RPS6KA3: variants seen among roughly 807,000 people sequenced by gnomAD.
RPS6KA3 encodes the protein ribosomal protein S6 kinase alpha-3.
In RPS6KA3, 4 loss-of-function variants were observed where a neutral mutation model predicts 67.2. The ratio of observed to expected loss-of-function variants is 0.06; its 90% CI spans 0.03 to 0.14. The LOEUF (loss-of-function observed/expected upper bound fraction) is 0.14. RPS6KA3 is among the 10% of genes least tolerant of loss of function. The pLI, the probability that RPS6KA3 is intolerant of heterozygous loss-of-function variation, is 1.00. For missense variants in RPS6KA3, 204 were observed against 559.0 expected, an observed-to-expected ratio of 0.36 and a Z score of 6.40; for synonymous variants, 182 against 183.7, an observed-to-expected ratio of 0.99 and a Z score of 0.07.
At chrX:20,228,758 T>C (rs751562597) in intron 2 of RPS6KA3, among the ~76,000 whole-genome samples, 2 of 111,243 alleles carry the variant, frequency 1.8e-5, no homozygotes, top group African/African-American at 3.3e-5. Flanking sequence ...ATCACTTATG[T>C]TCTATTAATT....
In RPS6KA3 at chrX:20,156,051, T is replaced by C; in HGVS notation, c.2100+58A>G. ...AAGGTGCTGGGGGCATGGACAGGGCTTCTTGAAGTCTCTCCTGGAGGACCT... is the reference window on the plus strand; with the variant it reads ...AAGGTGCTGGGGGCATGGACAGGGCCTCTTGAAGTCTCTCCTGGAGGACCT... On this transcript the variant is annotated intron_variant, in intron 21 of 21. Coordinates refer to ENST00000379565, the MANE Select transcript of RPS6KA3 (RefSeq NM_004586.3). 4.3e-6 allele frequency: 5 copies of C among 1,149,793 alleles called. No homozygotes were observed. In the Admixed American group the frequency reaches 1.1e-4, roughly 25 times the overall value. The allele number at this position is 1,149,793 out of a possible 1,213,427, so 94.8% of individuals were successfully genotyped here.
intron 18 of RPS6KA3, among the ~76,000 whole-genome samples, chrX:20,163,567 G>A (rs1226650214): frequency 9.0e-6 from 1 of 111,528 alleles, no homozygotes; most frequent in Non-Finnish European, 1.9e-5. Flanking sequence ...GTAGGGTATG[G>A]TGGCTCACGC....
At chrX:20,182,360 G>C in intron 10 of RPS6KA3, among the ~76,000 whole-genome samples, 1 of 111,899 alleles carries the variant, frequency 8.9e-6, no homozygotes, top group Middle Eastern at 4.6e-3. Context: ...ATTTATCTAA[G>C]TTGTTGCATG....
At chrX:20,256,553 A>C (rs998535907) in intron 1 of RPS6KA3, among the ~76,000 whole-genome samples, 1 of 111,769 alleles carries the variant, frequency 8.9e-6, no homozygotes, top group African/African-American at 3.3e-5. Flanking sequence ...AACGTTAGAC[A>C]TTTTGTTTTA....
chrX:20,244,256 T>C, intron 1 of RPS6KA3, among the ~76,000 whole-genome samples: 1 of 111,833 alleles, frequency 8.9e-6, no homozygotes, highest in Non-Finnish European at 1.9e-5. Context: ...TTCAAACTCC[T>C]GGCCTCACGC....
rs748270366 is a variant in RPS6KA3, at chrX:20,266,851, G to A, written c.-219C>T. 9.6e-6 allele frequency: 4 copies of A among 417,594 alleles called. No individual in the cohort carries two copies. In the South Asian group the frequency reaches 4.5e-4, roughly 47 times the overall value. 34.4% of individuals were successfully genotyped at this position (417,594 alleles called of 1,213,427 possible). A position where few individuals can be genotyped will look rare whatever the true frequency, so the allele number is the denominator to read the frequency against. Reference sequence around the variant, plus strand: ...GAAAGCCGCGCGCCTGGCCAGAGACGCCCGCGCGCTGAGCGAGAGCCTCGC... The same window carrying A: ...GAAAGCCGCGCGCCTGGCCAGAGACACCCGCGCGCTGAGCGAGAGCCTCGC... On this transcript the variant is annotated 5_prime_UTR_variant, in exon 1 of 22. Coordinates refer to ENST00000379565, the MANE Select transcript of RPS6KA3 (RefSeq NM_004586.3).
intron 1 of RPS6KA3, among the ~76,000 whole-genome samples, chrX:20,236,913 TAAC>T (rs1790845050): frequency 8.9e-6 from 1 of 111,758 alleles, no homozygotes; most frequent in Non-Finnish European, 1.9e-5. Flanking sequence ...AACTAGCTCC[TAAC>T]AACTGCGGCT....
At chrX:20,168,711 C>T (rs1305101346) in intron 16 of RPS6KA3, among the ~76,000 whole-genome samples, 2 of 111,754 alleles carry the variant, frequency 1.8e-5, no homozygotes, top group East Asian at 2.8e-4. Flanking sequence ...GCAATAATAT[C>T]GTAAGTACTT....
At chrX:20,233,354 TG>T (rs1208764246) in intron 2 of RPS6KA3, among the ~76,000 whole-genome samples, 1 of 111,012 alleles carries the variant, frequency 9.0e-6, no homozygotes, top group African/African-American at 3.3e-5. Flanking sequence ...TATAGCCTAC[TG>T]AAACACAAAT....
intron 4 of RPS6KA3, among the ~76,000 whole-genome samples, chrX:20,201,457 T>C (rs1603427280): frequency 9.0e-6 from 1 of 111,695 alleles, no homozygotes; most frequent in South Asian, 3.8e-4. Flanking sequence ...TATTTTAATA[T>C]GCATCTTTGA....
At chrX:20,185,021 C>A (rs1041888164) in intron 10 of RPS6KA3, among the ~76,000 whole-genome samples, 2 of 111,169 alleles carry the variant, frequency 1.8e-5, no homozygotes, top group Non-Finnish European at 3.8e-5. Context: ...TCTTGGCGCA[C>A]TGCAACCTCT....
intron 1 of RPS6KA3, among the ~76,000 whole-genome samples, chrX:20,247,074 CTAAT>C (rs1184545818): frequency 8.9e-6 from 1 of 112,305 alleles, no homozygotes; most frequent in African/African-American, 3.2e-5. Flanking sequence ...AATGTAGTTT[CTAAT>C]TAGAGTTCCA....
rs1339620629 is a variant in RPS6KA3, at chrX:20,152,453, G to T, written c.*2945C>A. 1 of 112,267 alleles carries T rather than the reference G, an allele frequency of 8.9e-6. No homozygotes were observed. The highest frequency in any genetic ancestry group is 2.8e-4 in the East Asian group (1 of 3,614). 9.3% of individuals were successfully genotyped at this position (112,267 alleles called of 1,213,427 possible). A position where few individuals can be genotyped will look rare whatever the true frequency, so the allele number is the denominator to read the frequency against. On this transcript the variant is annotated 3_prime_UTR_variant, in exon 22 of 22. Transcript: ENST00000379565. ...TTCAATCTCTCATTTTGTAAAAGAG[G>T]CCTGATAGTTTAGTTTCTTCTTTCA...
intron 3 of RPS6KA3, among the ~76,000 whole-genome samples, chrX:20,208,861 GC>G (rs768642968): frequency 9.0e-6 from 1 of 111,583 alleles, no homozygotes; most frequent in Non-Finnish European, 1.9e-5. Context: ...TGTAGCGGTA[GC>G]CCCCAACCCT....
intron 1 of RPS6KA3, among the ~76,000 whole-genome samples, chrX:20,239,135 T>A (rs185481600): frequency 1.8e-5 from 2 of 111,519 alleles, no homozygotes; most frequent in East Asian, 5.6e-4. Context: ...TGAACTTGGG[T>A]AAGTTATTTA....
intron 17 of RPS6KA3, among the ~76,000 whole-genome samples, chrX:20,166,111 T>C (rs1002403131): frequency 8.9e-6 from 1 of 112,364 alleles, no homozygotes; most frequent in Non-Finnish European, 1.9e-5. Context: ...CTGTGGTAAC[T>C]GAAACCACAG....
chrX:20,217,497 C>T (rs770519013), intron 2 of RPS6KA3, among the ~76,000 whole-genome samples: 3 of 112,503 alleles, frequency 2.7e-5, no homozygotes, highest in South Asian at 3.6e-4. Context: ...CCTCCCCTCC[C>T]CTGAGTCAGG....
At chrX:20,158,260 G>A (rs2067231699) in intron 20 of RPS6KA3, among the ~76,000 whole-genome samples, 1 of 107,045 alleles carries the variant, frequency 9.3e-6, no homozygotes, top group Non-Finnish European at 1.9e-5. Context: ...GGCTGTTCAG[G>A]AGGCTGAGGT....
intron 2 of RPS6KA3, among the ~76,000 whole-genome samples, chrX:20,223,107 A>G (rs2069023832): frequency 8.9e-6 from 1 of 111,756 alleles, no homozygotes. Context: ...TAAATTTCTT[A>G]ATATTGACCT....
Sources: allele counts gnomAD v4.1 joint callset (sites outside exome capture counted in the v4.1 genomes callset), GRCh38; gene constraint gnomAD v4.1.1; transcripts MANE v1.5; gene names NCBI Gene and HGNC (gene_info 2026-07-23, HGNC 2026-07-21).